UNC5C: variants seen among roughly 807,000 people sequenced by gnomAD.
UNC5C encodes the protein unc-5 netrin receptor C.
A neutral mutation model predicts 99.8 loss-of-function variants in UNC5C; 47 were observed. The observed-to-expected ratio is 0.47, with a 90% CI of 0.37 to 0.60. UNC5C has a LOEUF of 0.60. UNC5C is among the 20% of genes least tolerant of loss of function. UNC5C has a pLI of 0.00. For synonymous variants in UNC5C, 487 were observed against 452.2 expected, an observed-to-expected ratio of 1.08 and a Z score of -0.98; for missense variants, 1,062 against 1,165.9, an observed-to-expected ratio of 0.91 and a Z score of 1.30.
At position 95,278,320 on chromosome 4, in the gene UNC5C, A is replaced by G. The variant is rs1161458762; in HGVS notation, c.533T>C (p.Val178Ala). 3.1e-6 allele frequency: 5 copies of G among 1,613,952 alleles called. No homozygotes were observed. Among genetic ancestry groups the G allele is most frequent in the Non-Finnish European group, 4.2e-6 (5 of 1,180,030 alleles). The change falls in exon 4 of 16, where the codon GTG (valine) becomes GCG (alanine). Residue 178 changes from valine to alanine, a missense_variant. By Grantham distance (64) the Val-to-Ala change is moderately conservative. Transcript: ENST00000453304. Reference sequence around the variant, plus strand: ...GAGTAAGACTTCCTGTTCCAAAGACACTTCCTTTCCTAGGGGTTCCTGCTC... The same window carrying G: ...GAGTAAGACTTCCTGTTCCAAAGACGCTTCCTTTCCTAGGGGTTCCTGCTC... ...TFEQEPLGKE[V>A]SLEQEVLLQC...
intron 5 of UNC5C, among the ~76,000 whole-genome samples, chr4:95,249,249 A>G (rs1187573654): frequency 6.6e-6 from 1 of 152,172 alleles, no homozygotes; most frequent in Non-Finnish European, 1.5e-5. Context: ...AATTCTCAGA[A>G]TGTGTCCCCA....
At chr4:95,333,739 T>A (rs1743219690) in intron 2 of UNC5C, among the ~76,000 whole-genome samples, 1 of 151,906 alleles carries the variant, frequency 6.6e-6, no homozygotes, top group South Asian at 2.1e-4. Flanking sequence ...AAAGAATAGT[T>A]TTGTTTCTAT....
intron 1 of UNC5C, among the ~76,000 whole-genome samples, chr4:95,363,002 T>C (rs147414698): frequency 8.5e-5 from 13 of 152,150 alleles, no homozygotes; most frequent in Non-Finnish European, 1.9e-4. Flanking sequence ...GTTCATATTG[T>C]AGTTTATGTA....
chr4:95,268,229 G>A (rs1012110724), intron 4 of UNC5C, among the ~76,000 whole-genome samples: 2 of 152,128 alleles, frequency 1.3e-5, no homozygotes, highest in Non-Finnish European at 2.9e-5. Flanking sequence ...GTGAGCCACC[G>A]CGCCCGGCCT....
intron 2 of UNC5C, among the ~76,000 whole-genome samples, chr4:95,331,485 C>T (rs1248822240): frequency 2.0e-5 from 3 of 151,998 alleles, no homozygotes; most frequent in Non-Finnish European, 2.9e-5. Flanking sequence ...GTATGTCAGC[C>T]TTTGGCTGGA....
intron 1 of UNC5C, among the ~76,000 whole-genome samples, chr4:95,425,620 A>G (rs2149458257): frequency 6.6e-6 from 1 of 152,314 alleles, no homozygotes; most frequent in South Asian, 2.1e-4. Flanking sequence ...TGTTAACTTT[A>G]TTTACTCAGA....
intron 1 of UNC5C, among the ~76,000 whole-genome samples, chr4:95,530,355 T>C (rs1722609802): frequency 1.3e-5 from 2 of 152,180 alleles, no homozygotes; most frequent in Admixed American, 1.3e-4. Context: ...CATACAGATA[T>C]ATCATGACTC....
chr4:95,312,828 T>C lies in UNC5C; in HGVS notation c.347-11079A>G, dbSNP rs565767490. 1.5e-4 allele frequency among the ~76,000 whole-genome samples: 23 copies of C among 152,282 alleles called. No individual in the cohort carries two copies. The South Asian group carries it at 4.1e-3, about 27-fold the overall frequency. ...TTCTGTAGTAAAGAAGTCTGTTTAG[T>C]ACAGATTAGCATCATTTTCCCTCAA... On this transcript the variant is annotated intron_variant, in intron 2 of 15. Coordinates refer to ENST00000453304, the MANE Select transcript of UNC5C (RefSeq NM_003728.4).
At chr4:95,359,282 A>G (rs774302418) in intron 1 of UNC5C, among the ~76,000 whole-genome samples, 2 of 152,182 alleles carry the variant, frequency 1.3e-5, no homozygotes, top group East Asian at 3.9e-4. Context: ...CTTTAGACCT[A>G]CTTCTACATT....
At chr4:95,214,249 G>C (rs1352009082) in intron 10 of UNC5C, among the ~76,000 whole-genome samples, 2 of 152,168 alleles carry the variant, frequency 1.3e-5, no homozygotes, top group Non-Finnish European at 2.9e-5. Flanking sequence ...TTATCCTCCT[G>C]TGTTTGTTTC....
chr4:95,392,444 T>TAA lies in UNC5C; in HGVS notation c.125-56815_125-56814dup, dbSNP rs1169560884. 6.5e-3 allele frequency among the ~76,000 whole-genome samples: 953 copies of TAA among 147,364 alleles called. 6 individuals carry two copies. The highest frequency in any genetic ancestry group is 0.015 in the African/African-American group (611 of 40,018). Reference sequence around the variant, plus strand: ...AGTATCAAAACATTTTTTTTTTTTTTAAAAAAAAAACAGGTTTCACTCTGT... The same window carrying TAA: ...AGTATCAAAACATTTTTTTTTTTTTTAAAAAAAAAAAACAGGTTTCACTCTGT... On this transcript the variant is annotated intron_variant, in intron 1 of 15. Coordinates refer to ENST00000453304, the MANE Select transcript of UNC5C (RefSeq NM_003728.4).
intron 1 of UNC5C, among the ~76,000 whole-genome samples, chr4:95,393,394 A>G (rs1280252623): frequency 1.3e-5 from 2 of 152,130 alleles, no homozygotes; most frequent in African/African-American, 4.8e-5. Context: ...TCAAGGGGGG[A>G]ATATCAAGTA....
chr4:95,367,203 T>C (rs1744600263), intron 1 of UNC5C, among the ~76,000 whole-genome samples: 1 of 151,260 alleles, frequency 6.6e-6, no homozygotes, highest in Non-Finnish European at 1.5e-5. Context: ...TTTTTTTTTT[T>C]CAAAGAAAAA....
At chr4:95,427,144 G>C (rs577924681) in intron 1 of UNC5C, among the ~76,000 whole-genome samples, 97 of 152,272 alleles carry the variant, frequency 6.4e-4, no homozygotes, top group Non-Finnish European at 8.4e-4. Context: ...AGAATTAAAA[G>C]TGGAACATGA....
chr4:95,179,936 C>CTGAGT (rs1553949949), intron 14 of UNC5C, among the ~76,000 whole-genome samples: 2 of 151,828 alleles, frequency 1.3e-5, no homozygotes, highest in Non-Finnish European at 2.9e-5. Flanking sequence ...TATATAGGAT[C>CTGAGT]TGAGTTTTAT....
chr4:95,317,779 T>A (rs188864308), intron 2 of UNC5C, among the ~76,000 whole-genome samples: 2 of 152,120 alleles, frequency 1.3e-5, no homozygotes, highest in Non-Finnish European at 2.9e-5. Flanking sequence ...ACCTTAGAAA[T>A]ACCGACCAAA....
rs117109773 is a variant in UNC5C at position 95,457,018 on chromosome 4, T to C, written c.124+91716A>G. Among the ~76,000 whole-genome samples the C allele has an allele frequency of 1.1e-4, 17 of 152,248 alleles. No individual in the cohort carries two copies. The East Asian group carries it at 2.7e-3, about 24-fold the overall frequency. On this transcript the variant is annotated intron_variant, in intron 1 of 15. Transcript: ENST00000453304. ...AAATTCTGTGCATTTGCAGAACTTATTAGATACTCTTAAGTGAATCAACTG... is the reference window on the plus strand; with the variant it reads ...AAATTCTGTGCATTTGCAGAACTTACTAGATACTCTTAAGTGAATCAACTG...
intron 1 of UNC5C, among the ~76,000 whole-genome samples, chr4:95,483,513 G>A (rs59120003): frequency 0.023 from 3,469 of 151,810 alleles, 136 homozygotes; most frequent in African/African-American, 0.078. Flanking sequence ...ATTCTGATAA[G>A]CTTTTCTCAC....
chr4:95,545,286 A>C (rs1240789286), intron 1 of UNC5C, among the ~76,000 whole-genome samples: 1 of 152,206 alleles, frequency 6.6e-6, no homozygotes, highest in African/African-American at 2.4e-5. Context: ...GTGTTTGAAA[A>C]GTTTATTCTT....
Sources: gnomAD v4.1 joint callset for allele counts (sites outside exome capture counted in the v4.1 genomes callset) on GRCh38, gnomAD v4.1.1 for gene constraint, MANE v1.5 for transcripts, NCBI Gene and HGNC (gene_info 2026-07-23, HGNC 2026-07-21) for gene names.